Variants in CCDC112 observed in about 807,000 individuals in gnomAD.
The protein encoded by CCDC112 is coiled-coil domain-containing protein 112.
A neutral mutation model predicts 66.3 loss-of-function variants in CCDC112; 40 were observed. The ratio of observed to expected loss-of-function variants is 0.60; its 90% CI spans 0.47 to 0.79. The LOEUF (loss-of-function observed/expected upper bound fraction) is 0.79, where lower values mean the gene tolerates loss of function less well. CCDC112 is among the 30% of genes least tolerant of loss of function. CCDC112 has a pLI of 0.00. For missense variants in CCDC112, 659 were observed against 603.8 expected, an observed-to-expected ratio of 1.09 and a Z score of -0.96; for synonymous variants, 214 against 197.2, an observed-to-expected ratio of 1.09 and a Z score of -0.71.
At chr5:115,293,323 T>A (rs1750015638) in intron 1 of CCDC112, among the ~76,000 whole-genome samples, 2 of 152,176 alleles carry the variant, frequency 1.3e-5, no homozygotes. Context: ...AAATTTCAAA[T>A]GTTTCACCAG....
In CCDC112 at chr5:115,284,770, T is replaced by C; in HGVS notation, c.239+17A>G. ...ATGGCTAGTAATGTTATTTGAAGAT[T>C]ATATTCTTATACTTACTGATTTTTA... On this transcript the variant is annotated intron_variant, in intron 2 of 9. Coordinates refer to ENST00000379611, the MANE Select transcript of CCDC112 (RefSeq NM_001040440.3). 3.2e-6 allele frequency: 5 copies of C among 1,573,632 alleles called. No homozygotes were observed. Among genetic ancestry groups the C allele is most frequent in the African/African-American group, 2.7e-5 (2 of 74,120 alleles).
chr5:115,292,343 T>C (rs1277199287), intron 1 of CCDC112, among the ~76,000 whole-genome samples: 1 of 151,676 alleles, frequency 6.6e-6, no homozygotes, highest in Admixed American at 6.6e-5. Flanking sequence ...GAATTTCTAC[T>C]TGATTCTTTT....
At chr5:115,268,305 G>A (rs1037173994) in intron 9 of CCDC112, among the ~76,000 whole-genome samples, 9 of 152,090 alleles carry the variant, frequency 5.9e-5, no homozygotes, top group East Asian at 1.9e-4. Flanking sequence ...TTTTTGAGAC[G>A]GAGTCTCACT....
At chr5:115,291,147 TTGACAGTTTGTTGAC>T (rs1749912148) in intron 1 of CCDC112, among the ~76,000 whole-genome samples, 1 of 152,112 alleles carries the variant, frequency 6.6e-6, no homozygotes, top group African/African-American at 2.4e-5. Context: ...TTCTCTTCTA[TTGACAGTTTGTTGAC>T]TGGATAATCT....
chr5:115,276,950 T>C lies in CCDC112; in HGVS notation c.451+15A>G. 2 of 1,480,886 alleles carry C rather than the reference T, an allele frequency of 1.4e-6. No individual in the cohort carries two copies. Among genetic ancestry groups the C allele is most frequent in the Non-Finnish European group, 1.9e-6 (2 of 1,065,306 alleles). The allele number at this position is 1,480,886 out of a possible 1,614,324, so 91.7% of individuals were successfully genotyped here. On this transcript the variant is annotated intron_variant, in intron 4 of 9. Transcript: ENST00000379611. ...CTAACACATAAGAAAGATTATAATATCTAAATTTACTTACAATCAGGTGTA... is the reference window on the plus strand; with the variant it reads ...CTAACACATAAGAAAGATTATAATACCTAAATTTACTTACAATCAGGTGTA...
chr5:115,289,858 A>G (rs1484004644), intron 1 of CCDC112, among the ~76,000 whole-genome samples: 1 of 152,042 alleles, frequency 6.6e-6, no homozygotes, highest in Non-Finnish European at 1.5e-5. Context: ...TAATTTTTGT[A>G]TTTTTAGTAA....
chr5:115,269,155 G>C (rs1748897207), intron 8 of CCDC112, among the ~76,000 whole-genome samples, 155 bp from the exon 9 acceptor site: 1 of 152,084 alleles, frequency 6.6e-6, no homozygotes, highest in Non-Finnish European at 1.5e-5. Flanking sequence ...GGCTCATATA[G>C]CTAAAAGAAA....
intron 2 of CCDC112, 73 bp downstream of exon 2, chr5:115,284,714 G>T: frequency 1.6e-6 from 2 of 1,230,944 alleles, no homozygotes; most frequent in Non-Finnish European, 2.3e-6. Context: ...GTAGGGTAGA[G>T]TAGAATTAAT....
chr5:115,285,410 G>T (rs1749634229), intron 1 of CCDC112, among the ~76,000 whole-genome samples: 1 of 152,170 alleles, frequency 6.6e-6, no homozygotes, highest in East Asian at 1.9e-4. Flanking sequence ...TTCAGTTACA[G>T]TGGTCACAGA....
chr5:115,277,029 G>A lies in CCDC112; in HGVS notation c.387C>T (p.Ala129=). 1 of 1,609,380 alleles carries A rather than the reference G, an allele frequency of 6.2e-7. No individual in the cohort carries two copies. Among genetic ancestry groups the A allele is most frequent in the Non-Finnish European group, 8.5e-7 (1 of 1,176,920 alleles). The change falls in exon 4 of 10, where the codon GCC becomes GCT. Residue 129 remains alanine, a synonymous_variant. Transcript: ENST00000379611. The stretch of plus-strand genomic sequence containing the variant: ...GTTTCTTTACATTATTATGTATTTT[G>A]GCCAATTGTTGCTGGATTTTTGCTC... ...TERAKIQQQL[A]KIHNNVKKLQ...
intron 8 of CCDC112, 28 bp from the exon 9 acceptor site, chr5:115,269,028 T>A: frequency 7.5e-7 from 1 of 1,337,720 alleles, no homozygotes; most frequent in South Asian, 1.3e-5. Flanking sequence ...ATAGTACCAG[T>A]TAATTATACA....
At chr5:115,293,060 T>C (rs918658272) in intron 1 of CCDC112, among the ~76,000 whole-genome samples, 1 of 152,204 alleles carries the variant, frequency 6.6e-6, no homozygotes. Context: ...AAAATCAAAG[T>C]GTGAACCTGG....
At chr5:115,271,040 T>G (rs1748972535) in intron 7 of CCDC112, among the ~76,000 whole-genome samples, 173 bp downstream of exon 7, 1 of 152,174 alleles carries the variant, frequency 6.6e-6, no homozygotes, top group African/African-American at 2.4e-5. Context: ...CCACATATCT[T>G]TCCCACTAGA....
intron 3 of CCDC112, among the ~76,000 whole-genome samples, chr5:115,278,611 C>T (rs1749309060): frequency 6.6e-6 from 1 of 151,974 alleles, no homozygotes; most frequent in Admixed American, 6.6e-5. Context: ...ATTACTGAGA[C>T]ATAGAAAAAT....
rs773905928 is a variant in CCDC112 at position 115,269,798 on chromosome 5, C to A, written c.1333G>T (p.Asp445Tyr). ...ADEISRFQER[D>Y]LHKLELKILD... The stretch of plus-strand genomic sequence containing the variant: ...ATTTTCAGTTCAAGTTTATGTAAAT[C>A]CTTAAAAAAAAAAACCCATAGCATT... Residue 445 changes from aspartate (D) to tyrosine (Y), a missense_variant and splice_region_variant, in exon 8 of 10, where the codon GAT (aspartate) becomes TAT (tyrosine). Transcript: ENST00000379611. The A allele has an allele frequency of 1.1e-5, 17 of 1,524,660 alleles. No homozygotes were observed. In the African/African-American group the frequency reaches 1.7e-4, roughly 15 times the overall value. 94.4% of individuals were successfully genotyped at this position (1,524,660 alleles called of 1,614,324 possible).
intron 2 of CCDC112, chr5:115,280,432 C>T (rs1350268741): frequency 6.6e-6 from 1 of 152,104 alleles, no homozygotes; most frequent in Non-Finnish European, 1.5e-5. Context: ...ACATCTTTGC[C>T]CCTTGAATTT....
intron 6 of CCDC112, among the ~76,000 whole-genome samples, chr5:115,273,663 T>C (rs1749092466): frequency 6.6e-6 from 1 of 152,186 alleles, no homozygotes; most frequent in South Asian, 2.1e-4. Context: ...TCTGTTTCTT[T>C]TTCCTAAAGA....
At chr5:115,282,198 A>T (rs1749486139) in intron 2 of CCDC112, among the ~76,000 whole-genome samples, 1 of 152,226 alleles carries the variant, frequency 6.6e-6, no homozygotes, top group Non-Finnish European at 1.5e-5. Context: ...ACAGGAAAAG[A>T]TCTCCAAGAT....
intron 1 of CCDC112, among the ~76,000 whole-genome samples, chr5:115,289,912 G>T (rs1749851136): frequency 6.6e-6 from 1 of 152,136 alleles, no homozygotes; most frequent in African/African-American, 2.4e-5. Flanking sequence ...CAAACTCCTG[G>T]CCTCAAGCGA....
Sources: gnomAD v4.1 joint callset for allele counts (sites outside exome capture counted in the v4.1 genomes callset) on GRCh38, gnomAD v4.1.1 for gene constraint, MANE v1.5 for transcripts, NCBI Gene and HGNC (gene_info 2026-07-23, HGNC 2026-07-21) for gene names.